Variants in ST18 observed in about 807,000 individuals in gnomAD.
ST18 encodes the protein ST18 C2H2C-type zinc finger transcription factor, also known as suppression of tumorigenicity 18 protein.
Under a neutral mutation model 110.0 loss-of-function variants are expected in ST18, and 50 were observed. The ratio of observed to expected loss-of-function variants is 0.45; its 90% CI spans 0.36 to 0.58. The LOEUF is 0.58. Ranked by LOEUF, ST18 falls within the 20% of genes least tolerant of loss-of-function variation. The pLI is 0.00. For synonymous variants in ST18, 461 were observed against 452.4 expected (o/e 1.02, Z -0.24); for missense variants, 1,306 against 1,280.1 (o/e 1.02, Z -0.31).
chr8:52,346,445 A>G (rs1260494650), intron 2 of ST18, among the ~76,000 whole-genome samples: 2 of 152,192 alleles, frequency 1.3e-5, no homozygotes, highest in Middle Eastern at 3.2e-3. Flanking sequence ...AAATGACAAT[A>G]AAAGAATTTC....
chr8:52,237,636 T>C (rs1422608158), intron 2 of ST18, among the ~76,000 whole-genome samples: 13 of 152,142 alleles, frequency 8.5e-5, no homozygotes, highest in Admixed American at 8.5e-4. Flanking sequence ...AACACAGATA[T>C]TATATTTCAG....
chr8:52,205,058 C>G (rs978980828), intron 8 of ST18, among the ~76,000 whole-genome samples: 1 of 151,762 alleles, frequency 6.6e-6, no homozygotes, highest in Admixed American at 6.6e-5. Context: ...GGAGAGTACT[C>G]TGTCCTTTGC....
intron 18 of ST18, 83 bp downstream of exon 18, chr8:52,137,338 T>C (rs2052854270): frequency 7.0e-7 from 1 of 1,435,882 alleles, no homozygotes; most frequent in Admixed American, 1.9e-5. Flanking sequence ...CTTCAGATAA[T>C]ACATGGATAG....
intron 24 of ST18, among the ~76,000 whole-genome samples, chr8:52,118,122 A>G (rs1290842946): frequency 6.6e-6 from 1 of 152,230 alleles, no homozygotes; most frequent in African/African-American, 2.4e-5. Context: ...CCACCAGGGC[A>G]AAAACATGAG....
chr8:52,182,768 C>T (rs7834822), intron 8 of ST18, among the ~76,000 whole-genome samples: 26,848 of 151,984 alleles, frequency 0.18, 5,711 homozygotes, highest in African/African-American at 0.51. Flanking sequence ...TGAAAATGAG[C>T]TCTCATGCTG....
chr8:52,317,507 C>A (rs1489013212), intron 2 of ST18, among the ~76,000 whole-genome samples: 1 of 152,220 alleles, frequency 6.6e-6, no homozygotes, highest in Non-Finnish European at 1.5e-5. Flanking sequence ...GGACATATTT[C>A]TGTTGTTTTA....
intron 8 of ST18, among the ~76,000 whole-genome samples, chr8:52,211,599 G>C (rs2082195904): frequency 6.6e-6 from 1 of 151,944 alleles, no homozygotes; most frequent in South Asian, 2.1e-4. Context: ...TAGAGTCGGG[G>C]TTTCGCCATG....
chr8:52,407,399 C>T (rs1248739690), intron 2 of ST18: 14 of 152,156 alleles, frequency 9.2e-5, no homozygotes, highest in Non-Finnish European at 1.0e-4. Context: ...TTGCTTCAAA[C>T]GCTGTGTTGC....
chr8:52,178,304 A>G (rs1240976936), intron 9 of ST18, among the ~76,000 whole-genome samples: 1 of 152,110 alleles, frequency 6.6e-6, no homozygotes, highest in Non-Finnish European at 1.5e-5. Flanking sequence ...CCCTAATACT[A>G]GATTCAACTT....
chr8:52,321,935 C>G (rs561769983), intron 2 of ST18, among the ~76,000 whole-genome samples: 51 of 152,288 alleles, frequency 3.3e-4, no homozygotes, highest in African/African-American at 1.2e-3. Flanking sequence ...CTATCACCTC[C>G]TAAATAATTA....
chr8:52,299,494 T>C (rs929575147), intron 2 of ST18, among the ~76,000 whole-genome samples: 4 of 152,266 alleles, frequency 2.6e-5, no homozygotes, highest in African/African-American at 9.6e-5. Flanking sequence ...TAAAACATAT[T>C]AAACCTACTT....
At chr8:52,213,637 C>A (rs181526236) in intron 7 of ST18, among the ~76,000 whole-genome samples, 23 of 152,180 alleles carry the variant, frequency 1.5e-4, no homozygotes, top group African/African-American at 4.8e-4. Context: ...CATCAAGGGC[C>A]TGTTTATATT....
At chr8:52,189,303 C>T (rs1457006147) in intron 8 of ST18, among the ~76,000 whole-genome samples, 1 of 152,168 alleles carries the variant, frequency 6.6e-6, no homozygotes, top group Non-Finnish European at 1.5e-5. Context: ...GGAATATCAA[C>T]TTGGATAAGG....
intron 2 of ST18, among the ~76,000 whole-genome samples, chr8:52,342,480 C>A (rs1202613827): frequency 6.6e-6 from 1 of 152,190 alleles, no homozygotes; most frequent in African/African-American, 2.4e-5. Flanking sequence ...TATGATGTTC[C>A]AGACCACGAT....
At chr8:52,162,382 C>T (rs550083002) in intron 13 of ST18, among the ~76,000 whole-genome samples, 2 of 152,280 alleles carry the variant, frequency 1.3e-5, no homozygotes, top group South Asian at 4.1e-4. Flanking sequence ...AGGCTCTGCT[C>T]AGTCCTGCAG....
chr8:52,227,229 A>G (rs900735542), intron 3 of ST18, among the ~76,000 whole-genome samples: 3 of 152,194 alleles, frequency 2.0e-5, no homozygotes, highest in Non-Finnish European at 4.4e-5. Flanking sequence ...TGTACCCATT[A>G]TTCGTTCAGT....
At position 52,171,859 on chromosome 8, in the gene ST18, G is replaced by A. The variant is rs371067380; in HGVS notation, c.1002C>T (p.His334=). The part of the protein sequence containing the change: ...YKELDRFLLE[H]LAGERRQTKV... ...TGGTTTGCCTCCTTTCCCCTGCTAGGTGCTCCAGCAGGAACCTATCCAGCT... is the reference window on the plus strand; with the variant it reads ...TGGTTTGCCTCCTTTCCCCTGCTAGATGCTCCAGCAGGAACCTATCCAGCT... Residue 334 remains histidine (H), a synonymous_variant, in exon 10 of 26, where the codon CAC becomes CAT. Coordinates refer to ENST00000689386, the MANE Select transcript of ST18 (RefSeq NM_001352837.2). 1.9e-5 allele frequency: 31 copies of A among 1,614,132 alleles called. No individual in the cohort carries two copies. The African/African-American group carries it at 3.6e-4, about 19-fold the overall frequency.
intron 2 of ST18, chr8:52,404,329 C>T (rs1353803538): frequency 6.6e-6 from 1 of 152,136 alleles, no homozygotes; most frequent in East Asian, 1.9e-4. Context: ...GAGACCCATC[C>T]TGCACAGAGA....
intron 2 of ST18, among the ~76,000 whole-genome samples, chr8:52,374,671 A>G (rs1011279002): frequency 3.3e-5 from 5 of 151,900 alleles, no homozygotes; most frequent in South Asian, 2.1e-4. Context: ...TCTTTCCCCA[A>G]TGCTCTCCAC....
Sources: gnomAD v4.1 joint callset for allele counts (sites outside exome capture counted in the v4.1 genomes callset) on GRCh38, gnomAD v4.1.1 for gene constraint, MANE v1.5 for transcripts, NCBI Gene and HGNC (gene_info 2026-07-23, HGNC 2026-07-21) for gene names.